Variants in RANBP2 observed in about 807,000 individuals in gnomAD.
The protein encoded by RANBP2 is E3 SUMO-protein ligase RanBP2.
Under a neutral mutation model 303.6 loss-of-function variants are expected in RANBP2, and 57 were observed. The ratio of observed to expected loss-of-function variants is 0.19; its 90% CI spans 0.15 to 0.23. The LOEUF is 0.23. Ranked by LOEUF, RANBP2 falls within the 10% of genes least tolerant of loss-of-function variation. The probability of loss-of-function intolerance (pLI) is 1.00; values close to 1 mark genes in which losing one functional copy is unlikely to be tolerated. For synonymous variants in RANBP2, 1,167 were observed against 1,301.5 expected (o/e 0.90, Z 2.23); for missense variants, 3,138 against 3,780.8 (o/e 0.83, Z 4.46).
the RANBP2 span, among the ~76,000 whole-genome samples, chr2:109,537,980 AACAC>A: frequency 2.0e-5 from 3 of 151,396 alleles, no homozygotes; most frequent in Admixed American, 6.6e-5. Context: ...CACACACACA[AACAC>A]ACACACACAA....
chr2:109,375,752 C>T, the RANBP2 span, among the ~76,000 whole-genome samples: 59,110 of 152,130 alleles, frequency 0.39, 11,778 homozygotes, highest in African/African-American at 0.45. Flanking sequence ...CCCTCTCTTT[C>T]TGCACAGGGT....
the RANBP2 span, among the ~76,000 whole-genome samples, chr2:109,478,630 T>C: frequency 6.6e-6 from 1 of 152,332 alleles, no homozygotes; most frequent in East Asian, 1.9e-4. Flanking sequence ...AAGAAGTTTG[T>C]TGGAATGCGC....
the RANBP2 span, among the ~76,000 whole-genome samples, chr2:109,552,341 T>C: frequency 1.9e-3 from 296 of 152,270 alleles, 2 homozygotes; most frequent in African/African-American, 6.4e-3. Context: ...TTCACAGATA[T>C]CCATTTCAGG....
At chr2:109,481,544 G>A in the RANBP2 span, among the ~76,000 whole-genome samples, 11 of 151,834 alleles carry the variant, frequency 7.2e-5, no homozygotes, top group South Asian at 1.9e-3. Flanking sequence ...CTGTAGATGC[G>A]TAGCTGGCTG....
At chr2:108,990,017 C>T in the RANBP2 span, among the ~76,000 whole-genome samples, 4 of 152,174 alleles carry the variant, frequency 2.6e-5, no homozygotes, top group African/African-American at 4.8e-5. Flanking sequence ...AAGAAACAGT[C>T]TGGGCTCCGT....
At chr2:109,583,594 A>G in the RANBP2 span, among the ~76,000 whole-genome samples, 1 of 152,220 alleles carries the variant, frequency 6.6e-6, no homozygotes. Context: ...TTCTCAAAGA[A>G]CTTAAACCAG....
the RANBP2 span, among the ~76,000 whole-genome samples, chr2:109,052,835 G>A: frequency 1.3e-5 from 2 of 152,144 alleles, no homozygotes; most frequent in South Asian, 2.1e-4. Flanking sequence ...CAGTGGAATG[G>A]GAGAATCCTT....
chr2:109,002,849 C>T, the RANBP2 span, among the ~76,000 whole-genome samples: 1 of 152,150 alleles, frequency 6.6e-6, no homozygotes, highest in Non-Finnish European at 1.5e-5. Context: ...GATCAGAACA[C>T]CCTTACCCAT....
At chr2:108,829,066 T>C in the RANBP2 span, among the ~76,000 whole-genome samples, 1 of 151,954 alleles carries the variant, frequency 6.6e-6, no homozygotes, top group Admixed American at 6.6e-5. Flanking sequence ...CACAGGAAAA[T>C]CTTCATGATA....
At chr2:108,845,139 C>T in the RANBP2 span, among the ~76,000 whole-genome samples, 1 of 152,184 alleles carries the variant, frequency 6.6e-6, no homozygotes, top group East Asian at 1.9e-4. Context: ...TACCTTAATC[C>T]TGTCATTTAA....
At chr2:109,061,119 T>C in the RANBP2 span, among the ~76,000 whole-genome samples, 2 of 151,984 alleles carry the variant, frequency 1.3e-5, no homozygotes, top group Non-Finnish European at 2.9e-5. Context: ...GTCTATAGGA[T>C]GTAAAGTTTG....
the RANBP2 span, among the ~76,000 whole-genome samples, chr2:108,833,134 A>G: frequency 6.6e-6 from 1 of 152,202 alleles, no homozygotes; most frequent in Non-Finnish European, 1.5e-5. Context: ...AGCACAGGCA[A>G]TGTTTAGGAC....
At chr2:109,164,982 T>G in the RANBP2 span, among the ~76,000 whole-genome samples, 3 of 152,202 alleles carry the variant, frequency 2.0e-5, no homozygotes, top group Non-Finnish European at 4.4e-5. Flanking sequence ...TAAAGCCTCT[T>G]CTTAGTCATC....
At chr2:109,507,270 C>T in the RANBP2 span, among the ~76,000 whole-genome samples, 5 of 152,190 alleles carry the variant, frequency 3.3e-5, no homozygotes, top group South Asian at 2.1e-4. Context: ...CACCCCTGGC[C>T]GGGCCTCACA....
At chr2:109,587,764 T>A in the RANBP2 span, among the ~76,000 whole-genome samples, 2 of 151,898 alleles carry the variant, frequency 1.3e-5, no homozygotes, top group Non-Finnish European at 2.9e-5. Flanking sequence ...ATACAAAAAA[T>A]TAGCCAGGTG....
chr2:109,356,458 G>C, the RANBP2 span, among the ~76,000 whole-genome samples: 2 of 152,170 alleles, frequency 1.3e-5, no homozygotes, highest in Admixed American at 1.3e-4. Flanking sequence ...CACGACACTC[G>C]ACATGCTTGG....
the RANBP2 span, among the ~76,000 whole-genome samples, chr2:109,039,203 C>T: frequency 1.3e-5 from 2 of 152,196 alleles, no homozygotes. Context: ...ATCAACCCTC[C>T]CCTGGGTCTC....
At chr2:109,235,531 C>T in the RANBP2 span, among the ~76,000 whole-genome samples, 1 of 152,222 alleles carries the variant, frequency 6.6e-6, no homozygotes, top group African/African-American at 2.4e-5. Flanking sequence ...ACCTGGAGAG[C>T]AAGAAGCAGG....
the RANBP2 span, among the ~76,000 whole-genome samples, chr2:109,221,232 C>T: frequency 1.3e-5 from 2 of 152,112 alleles, no homozygotes; most frequent in African/African-American, 4.8e-5. Context: ...TAATTTTTTT[C>T]TTTTCAATAA....
Sources: gnomAD v4.1 joint callset for allele counts (sites outside exome capture counted in the v4.1 genomes callset) on GRCh38, gnomAD v4.1.1 for gene constraint, MANE v1.5 for transcripts, NCBI Gene and HGNC (gene_info 2026-07-23, HGNC 2026-07-21) for gene names.